Variants in GALNT10 observed in about 807,000 individuals in gnomAD.
GALNT10 encodes polypeptide N-acetylgalactosaminyltransferase 10, also known as GalNAc transferase 10.
A neutral mutation model predicts 75.0 loss-of-function variants in GALNT10; 41 were observed. The ratio of observed to expected loss-of-function variants is 0.55; its 90% CI spans 0.43 to 0.71. GALNT10 has a LOEUF of 0.71. GALNT10 is among the 30% of genes least tolerant of loss of function. The pLI is 0.00. For missense variants in GALNT10, 727 were observed against 818.5 expected (o/e 0.89, Z 1.36); for synonymous variants, 302 against 313.0 (o/e 0.96, Z 0.37).
chr5:154,199,884 G>A (rs1774999697), intron 1 of GALNT10, among the ~76,000 whole-genome samples: 1 of 152,198 alleles, frequency 6.6e-6, no homozygotes, highest in South Asian at 2.1e-4. Context: ...CCTAAAATGA[G>A]CAAAGTCATC....
chr5:154,216,139 G>C (rs1259475983), intron 1 of GALNT10, among the ~76,000 whole-genome samples: 1 of 152,084 alleles, frequency 6.6e-6, no homozygotes, highest in Non-Finnish European at 1.5e-5. Context: ...GGAGGATCTT[G>C]GAGATCATCC....
Position 154,376,128 on chromosome 5 carries a change from C to T in GALNT10, c.569-149C>T. 1.5e-6 allele frequency: 1 copy of T among 658,250 alleles called. No individual in the cohort carries two copies. The highest frequency in any genetic ancestry group is 2.7e-5 in the East Asian group (1 of 36,382). The allele number at this position is 658,250 out of a possible 1,614,324, so 40.8% of individuals were successfully genotyped here. A position where few individuals can be genotyped will look rare whatever the true frequency, so the allele number is the denominator to read the frequency against. ...AGTACACAGGTGATGAGAACACTGC[C>T]CTTCTTCTCCCTGTCTGAAAGGTCT... is the stretch of plus-strand genomic sequence containing the variant. On this transcript the variant is annotated intron_variant, in intron 4 of 11. Coordinates refer to ENST00000297107, the MANE Select transcript of GALNT10 (RefSeq NM_198321.4). This position sits in a 1 kb window ranked among gnomAD's most constrained non-coding sequence, Gnocchi z 4.1.
intron 1 of GALNT10, among the ~76,000 whole-genome samples, chr5:154,201,500 C>T (rs1049074117): frequency 5.9e-5 from 9 of 152,186 alleles, no homozygotes; most frequent in African/African-American, 2.2e-4. Flanking sequence ...TCTATCTCAG[C>T]TCAAGAAACC....
intron 8 of GALNT10, among the ~76,000 whole-genome samples, chr5:154,405,531 G>A: frequency 6.6e-6 from 1 of 152,096 alleles, no homozygotes; most frequent in Non-Finnish European, 1.5e-5. Flanking sequence ...GATCCCTGAG[G>A]AGGGAGCCAG....
rs751299218 is a variant in GALNT10 at position 154,416,840 on chromosome 5, T to G, written c.1680T>G (p.Ser560Arg). ...ACAAGACCCTGTACCACCCTGTCAGTGGCAGCTGCATGGACTGCAGTGAAA... is the reference window on the plus strand; with the variant it reads ...ACAAGACCCTGTACCACCCTGTCAGGGGCAGCTGCATGGACTGCAGTGAAA... Reference protein sequence around the residue: ...RKDKTLYHPVSGSCMDCSESD... With the variant: ...RKDKTLYHPVRGSCMDCSESD... The change falls in exon 12 of 12, where the codon AGT (serine) becomes AGG (arginine). Residue 560 changes from serine (S) to arginine (R), a missense_variant. Coordinates refer to ENST00000297107, the MANE Select transcript of GALNT10 (RefSeq NM_198321.4). This position sits in a 1 kb window ranked among gnomAD's most constrained non-coding sequence, Gnocchi z 4.5. 6.2e-7 allele frequency: 1 copy of G among 1,613,502 alleles called. No individual in the cohort carries two copies. Among genetic ancestry groups the G allele is most frequent in the Admixed American group, 1.7e-5 (1 of 60,018 alleles).
intron 1 of GALNT10, among the ~76,000 whole-genome samples, chr5:154,217,013 C>G (rs1312113909): frequency 6.6e-6 from 1 of 152,198 alleles, no homozygotes; most frequent in Non-Finnish European, 1.5e-5. Flanking sequence ...ACCGTTGTTA[C>G]CTTTTACCTC....
At chr5:154,281,058 C>T (rs992792379) in intron 1 of GALNT10, among the ~76,000 whole-genome samples, 1 of 152,114 alleles carries the variant, frequency 6.6e-6, no homozygotes, top group African/African-American at 2.4e-5. Flanking sequence ...CCAACTTTGC[C>T]CCTCTTTTGA....
At chr5:154,300,641 A>G (rs1268048738) in intron 3 of GALNT10, among the ~76,000 whole-genome samples, 2 of 152,190 alleles carry the variant, frequency 1.3e-5, no homozygotes, top group Non-Finnish European at 2.9e-5. Flanking sequence ...TAGGTCTTCT[A>G]TGTGCCAAGC....
intron 7 of GALNT10, among the ~76,000 whole-genome samples, chr5:154,396,297 C>A (rs1756018179): frequency 6.6e-6 from 1 of 152,164 alleles, no homozygotes; most frequent in Non-Finnish European, 1.5e-5. Context: ...GCCCCCAGGG[C>A]AGAAAAGTGA....
chr5:154,255,829 C>CTCCCT (rs1229773993), intron 1 of GALNT10, among the ~76,000 whole-genome samples: 1 of 151,740 alleles, frequency 6.6e-6, no homozygotes, highest in Non-Finnish European at 1.5e-5. Context: ...TGCAGGAAGC[C>CTCCCT]TCCCTTCCCT....
rs370180677 is a variant in GALNT10 at position 154,381,969 on chromosome 5, C to T, written c.938+1338C>T. Among the ~76,000 whole-genome samples the T allele has an allele frequency of 9.2e-5, 14 of 152,374 alleles. 1 individual carries two copies. The East Asian group carries it at 1.9e-3, about 21-fold the overall frequency. On this transcript the variant is annotated intron_variant, in intron 6 of 11. Transcript: ENST00000297107. Reference sequence around the variant, plus strand: ...TTAACCTTAATCACATCTGCGAAGTCTCTTTTGCCACATAAGGTAACATAT... The same window carrying T: ...TTAACCTTAATCACATCTGCGAAGTTTCTTTTGCCACATAAGGTAACATAT...
chr5:154,399,627 A>G (rs922290398), intron 7 of GALNT10, among the ~76,000 whole-genome samples: 2 of 152,200 alleles, frequency 1.3e-5, no homozygotes, highest in Non-Finnish European at 2.9e-5. Flanking sequence ...TGAAGAATGG[A>G]TGACAAAATG....
chr5:154,338,595 A>G (rs1754981679), intron 4 of GALNT10: 1 of 163,878 alleles, frequency 6.1e-6, no homozygotes, highest in Non-Finnish European at 1.3e-5. Context: ...GTCTTTTAAT[A>G]GCTAGATAAT....
chr5:154,227,886 A>ATTTC (rs754103506), intron 1 of GALNT10, among the ~76,000 whole-genome samples: 95 of 152,162 alleles, frequency 6.2e-4, no homozygotes, highest in Middle Eastern at 6.8e-3. Context: ...TCTCATGTTG[A>ATTTC]ACTGTAATCC....
chr5:154,391,626 A>G (rs1167757676), intron 7 of GALNT10, among the ~76,000 whole-genome samples: 5 of 152,182 alleles, frequency 3.3e-5, no homozygotes, highest in Non-Finnish European at 4.4e-5. Flanking sequence ...ATCCCATTGC[A>G]TTAGTCTGGA....
At chr5:154,220,894 T>A (rs116491885) in intron 1 of GALNT10, among the ~76,000 whole-genome samples, 2,782 of 152,214 alleles carry the variant, frequency 0.018, 63 homozygotes, top group African/African-American at 0.063. Flanking sequence ...CAAGGCCAGA[T>A]CCTTCTTCTG....
intron 4 of GALNT10, chr5:154,337,630 T>G: frequency 1.1e-6 from 1 of 929,794 alleles, no homozygotes; most frequent in South Asian, 1.3e-5. Flanking sequence ...GACTGATAGT[T>G]GTAATTGCCA....
chr5:154,197,875 G>A (rs1424367082), intron 1 of GALNT10, among the ~76,000 whole-genome samples: 1 of 152,202 alleles, frequency 6.6e-6, no homozygotes, highest in Non-Finnish European at 1.5e-5. Context: ...TGCACAGCCT[G>A]TAGTGGTGGA....
Position 154,416,872 on chromosome 5 carries a change from A to G in GALNT10, c.1712A>G (p.His571Arg), listed in dbSNP as rs1300189829. ...TGCATGGACTGCAGTGAAAGTGACC[A>G]TAGGATCTTCATGAACACCTGCAAC... The part of the protein sequence containing the change: ...GSCMDCSESD[H>R]RIFMNTCNPS... The change falls in exon 12 of 12, where the codon CAT becomes CGT. Residue 571 changes from histidine to arginine, a missense_variant. Transcript: ENST00000297107. This position sits in a 1 kb window ranked among gnomAD's most constrained non-coding sequence, Gnocchi z 4.5. 1 of 1,613,018 alleles carries G rather than the reference A, an allele frequency of 6.2e-7. No homozygotes were observed. Among genetic ancestry groups the G allele is most frequent in the East Asian group, 2.2e-5 (1 of 44,882 alleles).
Sources: allele counts gnomAD v4.1 joint callset (sites outside exome capture counted in the v4.1 genomes callset), GRCh38; gene constraint gnomAD v4.1.1; non-coding constraint Gnocchi (gnomAD v3.1); transcripts MANE v1.5; gene names NCBI Gene and HGNC (gene_info 2026-07-23, HGNC 2026-07-21).